Variants in PCDHGA5 observed in about 807,000 individuals in gnomAD.
PCDHGA5 encodes the protein protocadherin gamma subfamily A, 5, also known as protocadherin gamma-A5.
Under a neutral mutation model 56.7 loss-of-function variants are expected in PCDHGA5, and 36 were observed. The observed-to-expected ratio is 0.64, with a 90% CI of 0.49 to 0.84. The LOEUF (loss-of-function observed/expected upper bound fraction) is 0.84, where lower values mean the gene tolerates loss of function less well. Ranked by LOEUF, PCDHGA5 falls within the 40% of genes least tolerant of loss-of-function variation. PCDHGA5 has a pLI of 0.00. For missense variants in PCDHGA5, 1,305 were observed against 1,201.5 expected, an observed-to-expected ratio of 1.09 and a Z score of -1.27; for synonymous variants, 563 against 520.2, an observed-to-expected ratio of 1.08 and a Z score of -1.12.
At chr5:141,381,826 C>CTTCTTTTTTTTTT (rs1777532522) in intron 1 of PCDHGA5, among the ~76,000 whole-genome samples, 2 of 74,284 alleles carry the variant, frequency 2.7e-5, no homozygotes, top group African/African-American at 1.2e-4. Context: ...CTTTCTTCTT[C>CTTCTTTTTTTTTT]TTTTTTTTTT....
chr5:141,475,951 G>A, intron 1 of PCDHGA5: 4 of 766,902 alleles, frequency 5.2e-6, no homozygotes, highest in South Asian at 1.9e-5. Flanking sequence ...CCCTTTCTGC[G>A]CCCCGGGATG....
chr5:141,502,238 T>C (rs2099813398), intron 2 of PCDHGA5, among the ~76,000 whole-genome samples: 1 of 152,204 alleles, frequency 6.6e-6, no homozygotes, highest in Admixed American at 6.5e-5. Flanking sequence ...TGTGTTCTTT[T>C]ATCCTTTTTT....
rs551129846 is a variant in PCDHGA5, at chr5:141,432,711, A to T, written c.2422-62096A>T. 5 of 1,613,944 alleles carry T rather than the reference A, an allele frequency of 3.1e-6. No individual in the cohort carries two copies. The Admixed American group carries it at 8.3e-5, about 27-fold the overall frequency. ...GTAGTGGCCGTCCAGGACCACGGCCAGCCCCCTCTCTCCGCCACTGTCACG... is the reference window on the plus strand; with the variant it reads ...GTAGTGGCCGTCCAGGACCACGGCCTGCCCCCTCTCTCCGCCACTGTCACG... On this transcript the variant is annotated intron_variant, in intron 1 of 3. Transcript: ENST00000518069. This position sits in a 1 kb window ranked among gnomAD's most constrained non-coding sequence, Gnocchi z 6.0.
At chr5:141,395,138 C>A (rs147992300) in intron 1 of PCDHGA5, 1 of 1,614,204 alleles carries the variant, frequency 6.2e-7, no homozygotes, top group African/African-American at 1.3e-5. Flanking sequence ...AGCCCAACTA[C>A]GCAGACATGC....
chr5:141,402,816 C>T, intron 1 of PCDHGA5: 1 of 1,261,762 alleles, frequency 7.9e-7, no homozygotes, highest in South Asian at 1.7e-5. Flanking sequence ...ATACCACAAA[C>T]CTGCTCCCAG....
chr5:141,485,338 T>C lies in PCDHGA5; in HGVS notation c.2422-9469T>C, dbSNP rs1259658641. The stretch of plus-strand genomic sequence containing the variant: ...ATGTCGCTCAAGATTTCCTGCTGGA[T>C]ACGGACAGTCTGTCAGCTCGCAGGC... On this transcript the variant is annotated intron_variant, in intron 1 of 3. Coordinates refer to ENST00000518069, the MANE Select transcript of PCDHGA5 (RefSeq NM_018918.3). The surrounding 1 kb of genome is among the most constrained non-coding windows in gnomAD (Gnocchi z 5.7). 1 of 1,614,140 alleles carries C rather than the reference T, an allele frequency of 6.2e-7. No individual in the cohort carries two copies. Among genetic ancestry groups the C allele is most frequent in the Non-Finnish European group, 8.5e-7 (1 of 1,180,006 alleles).
intron 1 of PCDHGA5, chr5:141,372,371 G>A: frequency 6.2e-7 from 1 of 1,613,974 alleles, no homozygotes; most frequent in Non-Finnish European, 8.5e-7. Flanking sequence ...CCACCGTCAT[G>A]CTGCACCTAA....
At chr5:141,400,376 T>A in intron 1 of PCDHGA5, 1 of 1,614,070 alleles carries the variant, frequency 6.2e-7, no homozygotes, top group East Asian at 2.2e-5. Context: ...TCCTACAACC[T>A]ATGTGTTGCA....
chr5:141,383,349 T>C lies in PCDHGA5; in HGVS notation c.2421+16598T>C, dbSNP rs781308834. The C allele has an allele frequency of 1.1e-5, 18 of 1,613,856 alleles. No individual in the cohort carries two copies. The African/African-American group carries it at 2.4e-4, about 22-fold the overall frequency. On this transcript the variant is annotated intron_variant, in intron 1 of 3. Transcript: ENST00000518069. The stretch of plus-strand genomic sequence containing the variant: ...TAATGGAGAATACAGCTCCTGGGGT[T>C]CGGTTTCCGTTAAGCGAGGCTGGGG...
chr5:141,403,241 G>C, intron 1 of PCDHGA5: 1 of 1,613,956 alleles, frequency 6.2e-7, no homozygotes. Flanking sequence ...GGAGCTCTGT[G>C]CTCAGAGCCC....
chr5:141,511,084 C>G lies in PCDHGA5; in HGVS notation c.2707C>G (p.Leu903Val). 1 of 1,614,236 alleles carries G rather than the reference C, an allele frequency of 6.2e-7. No homozygotes were observed. Among genetic ancestry groups the G allele is most frequent in the Non-Finnish European group, 8.5e-7 (1 of 1,180,030 alleles). The change falls in exon 4 of 4, where the codon CTG becomes GTG. Residue 903 changes from leucine (L) to valine (V), a missense_variant. Leu to Val is a conservative substitution (Grantham distance 32). Coordinates refer to ENST00000518069, the MANE Select transcript of PCDHGA5 (RefSeq NM_018918.3). Reference sequence around the variant, plus strand: ...CTACATCCCAGGCAGCAATGCCACACTGACCAACGCAGCTGGCAAGCGGGA... The same window carrying G: ...CTACATCCCAGGCAGCAATGCCACAGTGACCAACGCAGCTGGCAAGCGGGA... ...NVYIPGSNAT[L>V]TNAAGKRDGK...
chr5:141,485,221 C>G lies in PCDHGA5; in HGVS notation c.2422-9586C>G. ...GGACAGAAATCTGGCGGTGGGCTACCCTTTTGTTCCTCTTTTACCACCTGG... is the reference window on the plus strand; with the variant it reads ...GGACAGAAATCTGGCGGTGGGCTACGCTTTTGTTCCTCTTTTACCACCTGG... On this transcript the variant is annotated intron_variant, in intron 1 of 3. Transcript: ENST00000518069. The surrounding 1 kb of genome is among the most constrained non-coding windows in gnomAD (Gnocchi z 5.7). The G allele has an allele frequency of 6.2e-7, 1 of 1,614,118 alleles. No individual in the cohort carries two copies. Among genetic ancestry groups the G allele is most frequent in the Non-Finnish European group, 8.5e-7 (1 of 1,180,010 alleles).
chr5:141,485,826 G>A lies in PCDHGA5; in HGVS notation c.2422-8981G>A. The A allele has an allele frequency of 6.2e-7, 1 of 1,614,070 alleles. No individual in the cohort carries two copies. Among genetic ancestry groups the A allele is most frequent in the South Asian group, 1.1e-5 (1 of 91,078 alleles). Reference sequence around the variant, plus strand: ...CTGGTGCTGACTGCTGTCGATGGAGGGAACCCGCCGAGATCTGGCACCGCA... The same window carrying A: ...CTGGTGCTGACTGCTGTCGATGGAGAGAACCCGCCGAGATCTGGCACCGCA... On this transcript the variant is annotated intron_variant, in intron 1 of 3. Transcript: ENST00000518069. The surrounding 1 kb of genome is among the most constrained non-coding windows in gnomAD (Gnocchi z 5.7).
chr5:141,479,050 C>G (rs1484021560), intron 1 of PCDHGA5, among the ~76,000 whole-genome samples: 1 of 152,164 alleles, frequency 6.6e-6, no homozygotes, highest in South Asian at 2.1e-4. Context: ...ACCTCATTCT[C>G]AGATAATTTT....
rs2095058812 is a variant in PCDHGA5 at position 141,408,208 on chromosome 5, A to T, written c.2421+41457A>T. ...AGCGAGAACCCGAGCGAACGATGGGAGGGAGCTGCGCGCAGAGGCGCCGGG... is the reference window on the plus strand; with the variant it reads ...AGCGAGAACCCGAGCGAACGATGGGTGGGAGCTGCGCGCAGAGGCGCCGGG... On this transcript the variant is annotated intron_variant, in intron 1 of 3. Transcript: ENST00000518069. The T allele has an allele frequency of 1.9e-6, 3 of 1,553,236 alleles. No homozygotes were observed. The East Asian group carries it at 7.3e-5, about 38-fold the overall frequency.
chr5:141,498,971 GGGAAGGAAGGAAGGAAGGAAGGAAGGAA>G (rs201769957), intron 2 of PCDHGA5, among the ~76,000 whole-genome samples: 8 of 111,052 alleles, frequency 7.2e-5, no homozygotes, highest in South Asian at 3.8e-4. Flanking sequence ...GAGGGAGGGA[GGGAAGGAAGGAAGGAAGGAAGGAAGGAA>G]GGAAGGAAGG....
Position 141,485,548 on chromosome 5 carries a change from T to C in PCDHGA5, c.2422-9259T>C, listed in dbSNP as rs749739126. ...ACCGAGCAGAGGTAGAGATCGTAGA[T>C]GTGAATGATCACGCCCCCCGTTTTC... On this transcript the variant is annotated intron_variant, in intron 1 of 3. Transcript: ENST00000518069. This position sits in a 1 kb window ranked among gnomAD's most constrained non-coding sequence, Gnocchi z 5.7. The C allele has an allele frequency of 3.1e-6, 5 of 1,614,040 alleles. No homozygotes were observed. The highest frequency in any genetic ancestry group is 3.4e-6 in the Non-Finnish European group (4 of 1,179,942).
chr5:141,459,609 T>C (rs939880462), intron 1 of PCDHGA5, among the ~76,000 whole-genome samples: 1 of 152,230 alleles, frequency 6.6e-6, no homozygotes, highest in African/African-American at 2.4e-5. Context: ...AAGTATATGC[T>C]TAACTTTATA....
At chr5:141,374,518 C>G (rs766036470) in intron 1 of PCDHGA5, 9 of 1,612,422 alleles carry the variant, frequency 5.6e-6, no homozygotes, top group African/African-American at 1.3e-5. Flanking sequence ...TTCTCGAAAA[C>G]GCAGCTCCAT....
Sources: gnomAD v4.1 joint callset for allele counts (sites outside exome capture counted in the v4.1 genomes callset) on GRCh38, gnomAD v4.1.1 for gene constraint, Gnocchi (gnomAD v3.1) non-coding constraint, MANE v1.5 for transcripts, NCBI Gene and HGNC (gene_info 2026-07-23, HGNC 2026-07-21) for gene names.